The following UBAP2 variants were observed in gnomAD, a reference collection of about 807,000 sequenced individuals.
UBAP2 encodes ubiquitin-associated protein 2.
UBAP2 carries 75 observed loss-of-function variants against 139.6 expected under a neutral mutation model. The observed-to-expected ratio is 0.54, with a 90% confidence interval of 0.45 to 0.65. The LOEUF is 0.65. Among genes scored for constraint, UBAP2 ranks in the 30% least tolerant of loss-of-function variants. The probability of loss-of-function intolerance (pLI) is 0.00; values close to 1 mark genes in which losing one functional copy is unlikely to be tolerated. For synonymous variants in UBAP2, 526 were observed against 526.2 expected (o/e 1.00, Z 0.01); for missense variants, 1,368 against 1,369.6 (o/e 1.00, Z 0.02).
At chr9:33,998,914 T>TA (rs779612668) in intron 2 of UBAP2, 50 bp from the exon 3 acceptor site, 12 of 1,518,794 alleles carry the variant, frequency 7.9e-6, no homozygotes, top group African/African-American at 2.7e-5. Flanking sequence ...AAGCATAAGT[T>TA]AGATTCCAAA....
At chr9:33,968,052 T>C (rs1296566048) in intron 8 of UBAP2, 16 of 433,996 alleles carry the variant, frequency 3.7e-5, no homozygotes, top group Non-Finnish European at 6.8e-5. Context: ...TATCCATTGA[T>C]TTCTTCTCAA....
chr9:33,926,981 A>T lies in UBAP2; in HGVS notation c.2463+8T>A. 1 of 1,613,446 alleles carries T rather than the reference A, an allele frequency of 6.2e-7. No homozygotes were observed. Among genetic ancestry groups the T allele is most frequent in the Non-Finnish European group, 8.5e-7 (1 of 1,179,514 alleles). ...CTGGGCAGGCCAGGAGTTCCGCCATACACTCACCGGGTAGGCAGGAAGCAG... is the reference window on the plus strand; with the variant it reads ...CTGGGCAGGCCAGGAGTTCCGCCATTCACTCACCGGGTAGGCAGGAAGCAG... On this transcript the variant is annotated splice_region_variant and intron_variant, in intron 21 of 28. Transcript: ENST00000379238.
intron 16 of UBAP2, among the ~76,000 whole-genome samples, chr9:33,940,112 C>T (rs1039527558): frequency 6.6e-5 from 10 of 151,676 alleles, no homozygotes; most frequent in African/African-American, 1.2e-4. Context: ...AAGAAGGCCA[C>T]GACGACAAGA....
chr9:33,935,777 T>A, intron 17 of UBAP2, 62 bp downstream of exon 17: 1 of 1,588,760 alleles, frequency 6.3e-7, no homozygotes. Context: ...TCACGTGAGC[T>A]ATCCTCTTCC....
intron 2 of UBAP2, among the ~76,000 whole-genome samples, chr9:34,004,641 G>A (rs532734385): frequency 5.7e-4 from 87 of 151,806 alleles, no homozygotes; most frequent in Non-Finnish European, 1.1e-3. Context: ...AAAATTAGCC[G>A]AGCGTGGTGG....
intron 1 of UBAP2, among the ~76,000 whole-genome samples, chr9:34,039,939 C>T (rs1826907052): frequency 6.6e-6 from 1 of 151,188 alleles, no homozygotes; most frequent in Non-Finnish European, 1.5e-5. Flanking sequence ...CGGGCGATCA[C>T]CTGAGGTCGG....
At position 34,028,569 on chromosome 9, in the gene UBAP2, T is replaced by C. The variant is rs564449589; in HGVS notation, c.-41-11380A>G. Among the ~76,000 whole-genome samples, 3 of 151,818 alleles carry C rather than the reference T, an allele frequency of 2.0e-5. No individual in the cohort carries two copies. The East Asian group carries it at 5.8e-4, about 29-fold the overall frequency. Reference sequence around the variant, plus strand: ...TAATTTTTTGTATTTTTGGTAGAGATGGGGTTCACCATGTTGGCCAGGCTG... The same window carrying C: ...TAATTTTTTGTATTTTTGGTAGAGACGGGGTTCACCATGTTGGCCAGGCTG... On this transcript the variant is annotated intron_variant, in intron 1 of 28. Coordinates refer to ENST00000379238, the MANE Select transcript of UBAP2 (RefSeq NM_001370062.2).
chr9:33,988,876 G>A (rs1397855138), intron 5 of UBAP2, 97 bp downstream of exon 5: 1 of 1,343,308 alleles, frequency 7.4e-7, no homozygotes, highest in Non-Finnish European at 1.0e-6. Context: ...TGAGCGCAGT[G>A]ACTCATGCCT....
At chr9:34,038,445 A>C (rs1056263563) in intron 1 of UBAP2, among the ~76,000 whole-genome samples, 2 of 151,718 alleles carry the variant, frequency 1.3e-5, no homozygotes, top group Non-Finnish European at 2.9e-5. Context: ...GCCACACCTG[A>C]CTGGTTTTCG....
intron 6 of UBAP2, among the ~76,000 whole-genome samples, chr9:33,984,132 A>G (rs937021306): frequency 3.3e-5 from 5 of 151,832 alleles, no homozygotes; most frequent in Non-Finnish European, 7.4e-5. Flanking sequence ...TCGAACTACT[A>G]ATGTCAAGTG....
intron 2 of UBAP2, among the ~76,000 whole-genome samples, chr9:34,014,324 CAAAAAAAAA>C (rs1170182976): frequency 5.4e-5 from 3 of 55,678 alleles, no homozygotes; most frequent in Non-Finnish European, 6.0e-5. Context: ...GAGACTGTCT[CAAAAAAAAA>C]AAAAAAAAAA....
At chr9:33,945,043 T>C (rs984570810) in intron 13 of UBAP2, among the ~76,000 whole-genome samples, 3 of 151,942 alleles carry the variant, frequency 2.0e-5, no homozygotes, top group African/African-American at 7.3e-5. Context: ...GGTGGGAGGA[T>C]TGCTTTAGCC....
intron 13 of UBAP2, among the ~76,000 whole-genome samples, chr9:33,946,213 G>C (rs1587541306): frequency 6.6e-6 from 1 of 151,958 alleles, no homozygotes; most frequent in Admixed American, 6.5e-5. Flanking sequence ...TTGTTGATCT[G>C]CTTTATTTTT....
chr9:33,962,984 A>T (rs1827185290), intron 9 of UBAP2, among the ~76,000 whole-genome samples: 1 of 151,534 alleles, frequency 6.6e-6, no homozygotes, highest in Admixed American at 6.6e-5. Flanking sequence ...CATCTCAAAA[A>T]AAATAAATAA....
At chr9:34,000,557 A>G (rs1472949602) in intron 2 of UBAP2, among the ~76,000 whole-genome samples, 2 of 152,196 alleles carry the variant, frequency 1.3e-5, no homozygotes, top group East Asian at 3.8e-4. Flanking sequence ...TTACTCCAAA[A>G]TAGTTTAAGT....
At chr9:34,005,298 G>A (rs1823099271) in intron 2 of UBAP2, among the ~76,000 whole-genome samples, 1 of 151,054 alleles carries the variant, frequency 6.6e-6, no homozygotes. Context: ...AGCCAGGCAT[G>A]GTGGCGCATA....
At chr9:34,035,845 G>A (rs1463812855) in intron 1 of UBAP2, among the ~76,000 whole-genome samples, 2 of 151,052 alleles carry the variant, frequency 1.3e-5, no homozygotes, top group East Asian at 3.9e-4. Context: ...CTGCCTTTTT[G>A]CCTTCACGTT....
At chr9:33,940,091 G>A (rs56374755) in intron 16 of UBAP2, among the ~76,000 whole-genome samples, 266 of 152,012 alleles carry the variant, frequency 1.7e-3, no homozygotes, top group African/African-American at 3.2e-3. Context: ...AAGAAAAAAA[G>A]GAGGAGGAGG....
chr9:34,019,984 A>G (rs55960645), intron 1 of UBAP2, among the ~76,000 whole-genome samples: 11,925 of 151,684 alleles, frequency 0.079, 671 homozygotes, highest in Non-Finnish European at 0.12. Context: ...ACATGGTGAA[A>G]CCCCATCTCT....
Sources: allele counts gnomAD v4.1 joint callset (sites outside exome capture counted in the v4.1 genomes callset), GRCh38; gene constraint gnomAD v4.1.1; transcripts MANE v1.5; gene names NCBI Gene and HGNC (gene_info 2026-07-23, HGNC 2026-07-21).